Variants in FOXN3 observed in about 807,000 individuals in gnomAD.
FOXN3 encodes the protein forkhead box N3.
A neutral mutation model predicts 38.4 loss-of-function variants in FOXN3; 7 were observed. The observed-to-expected ratio is 0.18, with a 90% CI of 0.10 to 0.34. The LOEUF (loss-of-function observed/expected upper bound fraction) is 0.34. Among genes scored for constraint, FOXN3 ranks in the 10% least tolerant of loss-of-function variants. The probability of loss-of-function intolerance (pLI) is 1.00; values close to 1 mark genes in which losing one functional copy is unlikely to be tolerated. For synonymous variants in FOXN3, 230 were observed against 242.2 expected (o/e 0.95, Z 0.47); for missense variants, 456 against 613.4 (o/e 0.74, Z 2.71).
At chr14:89,533,679 A>G (rs2139839721) in intron 1 of FOXN3, among the ~76,000 whole-genome samples, 1 of 151,588 alleles carries the variant, frequency 6.6e-6, no homozygotes, top group East Asian at 1.9e-4. Flanking sequence ...AAAAAAAAAA[A>G]AAAAAAAAAA....
intron 1 of FOXN3, among the ~76,000 whole-genome samples, chr14:89,441,954 T>A (rs556361114): frequency 1.4e-5 from 2 of 143,646 alleles, no homozygotes; most frequent in East Asian, 4.0e-4. Flanking sequence ...TGAGATGGAG[T>A]TTCCTCTTGT....
intron 1 of FOXN3, among the ~76,000 whole-genome samples, chr14:89,521,358 T>TAGAGAGAGAGAGAGAGAGAGAGAG (rs199686142): frequency 1.4e-4 from 18 of 125,058 alleles, no homozygotes; most frequent in African/African-American, 4.8e-4. Flanking sequence ...AGATGATAGA[T>TAGAGAGAGAGAGAGAGAGAGAGAG]AGAGAGAGAG....
intron 1 of FOXN3, among the ~76,000 whole-genome samples, chr14:89,511,174 T>C (rs1596303031): frequency 2.5e-5 from 1 of 39,772 alleles, no homozygotes; most frequent in African/African-American, 6.8e-5. Flanking sequence ...TCTTTCTTTC[T>C]TTCTTTCTTT....
Position 89,365,135 on chromosome 14 carries a change from TACTC to T in FOXN3, c.544-14331_544-14328del, listed in dbSNP as rs533476092. On this transcript the variant is annotated intron_variant, in intron 2 of 5. Coordinates refer to ENST00000557258, the MANE Select transcript of FOXN3 (RefSeq NM_005197.4). ...CGCTTTGCAGGAATCTCTGTTCCGTTACTCACTATTTTGAGAGAGCCCTGCTTCT... is the reference window on the plus strand; with the variant it reads ...CGCTTTGCAGGAATCTCTGTTCCGTTACTATTTTGAGAGAGCCCTGCTTCT... Among the ~76,000 whole-genome samples, 40 of 152,308 alleles carry T rather than the reference TACTC, an allele frequency of 2.6e-4. No homozygotes were observed. In the East Asian group the frequency reaches 7.3e-3, roughly 28 times the overall value.
intron 5 of FOXN3, among the ~76,000 whole-genome samples, chr14:89,174,014 TAA>T (rs1312607265): frequency 6.6e-6 from 1 of 151,706 alleles, no homozygotes; most frequent in Non-Finnish European, 1.5e-5. Context: ...TAAATAAAAA[TAA>T]AAAGACAGTA....
At chr14:89,373,329 C>A (rs1890377620) in intron 2 of FOXN3, among the ~76,000 whole-genome samples, 2 of 121,286 alleles carry the variant, frequency 1.6e-5, no homozygotes, top group African/African-American at 6.2e-5. Flanking sequence ...TTTCCAAGAC[C>A]TGAGTTCTAT....
At chr14:89,587,181 T>A (rs1895857635) in intron 1 of FOXN3, among the ~76,000 whole-genome samples, 1 of 152,260 alleles carries the variant, frequency 6.6e-6, no homozygotes, top group Non-Finnish European at 1.5e-5. Flanking sequence ...GGAACCCCGG[T>A]CTTTTTCTCT....
chr14:89,324,435 AGTGTGTGCGTGTGT>A (rs1887982526), intron 3 of FOXN3, among the ~76,000 whole-genome samples: 1 of 123,478 alleles, frequency 8.1e-6, no homozygotes, highest in Admixed American at 8.7e-5. Flanking sequence ...GAAACAGCTA[AGTGTGTGCGTGTGT>A]GTGTGTGTGT....
intron 1 of FOXN3, among the ~76,000 whole-genome samples, chr14:89,476,564 A>G (rs1260900670): frequency 6.6e-6 from 1 of 152,228 alleles, no homozygotes; most frequent in Non-Finnish European, 1.5e-5. Context: ...GTTCATATGC[A>G]CACATCAGAG....
chr14:89,558,827 C>A (rs1022032013), intron 1 of FOXN3, among the ~76,000 whole-genome samples: 1 of 152,158 alleles, frequency 6.6e-6, no homozygotes, highest in South Asian at 2.1e-4. Flanking sequence ...AAGGTCGGGG[C>A]GACAGCAGGG....
At chr14:89,277,228 A>G (rs895918756) in intron 4 of FOXN3, among the ~76,000 whole-genome samples, 1 of 152,240 alleles carries the variant, frequency 6.6e-6, no homozygotes, top group Admixed American at 6.5e-5. Flanking sequence ...TCAAACACAT[A>G]GAGACCGTAA....
intron 3 of FOXN3, among the ~76,000 whole-genome samples, chr14:89,345,151 G>A (rs1227802155): frequency 6.6e-6 from 1 of 152,118 alleles, no homozygotes; most frequent in African/African-American, 2.4e-5. Flanking sequence ...TCCAAGAACT[G>A]TAGTATCCAA....
chr14:89,387,317 C>A (rs1320399113), intron 2 of FOXN3, among the ~76,000 whole-genome samples: 1 of 152,136 alleles, frequency 6.6e-6, no homozygotes, highest in Admixed American at 6.6e-5. Context: ...ACAATTCAAT[C>A]TATAGCACCA....
At chr14:89,472,635 GGT>G (rs1893125904) in intron 1 of FOXN3, among the ~76,000 whole-genome samples, 1 of 150,632 alleles carries the variant, frequency 6.6e-6, no homozygotes, top group African/African-American at 2.4e-5. Context: ...GCAGGAGAAT[GGT>G]GTGAACCCAG....
At chr14:89,375,617 CCAAG>C (rs1290774196) in intron 2 of FOXN3, among the ~76,000 whole-genome samples, 1 of 151,934 alleles carries the variant, frequency 6.6e-6, no homozygotes, top group East Asian at 1.9e-4. Flanking sequence ...GTATTAAGAA[CCAAG>C]CAAAGAGATA....
intron 4 of FOXN3, among the ~76,000 whole-genome samples, chr14:89,232,914 C>T (rs1327093294): frequency 6.6e-6 from 1 of 152,184 alleles, no homozygotes; most frequent in Admixed American, 6.5e-5. Context: ...CTGAGAGATA[C>T]TTGAAAGCCA....
At chr14:89,606,796 G>A (rs767072476) in intron 1 of FOXN3, among the ~76,000 whole-genome samples, 7 of 152,090 alleles carry the variant, frequency 4.6e-5, no homozygotes, top group African/African-American at 1.2e-4. Context: ...TGCAGTGAGC[G>A]GAGATTGCAC....
chr14:89,173,505 C>T (rs1289580434), intron 5 of FOXN3, among the ~76,000 whole-genome samples: 2 of 152,180 alleles, frequency 1.3e-5, no homozygotes, highest in African/African-American at 4.8e-5. Flanking sequence ...CACAGTAGCA[C>T]TGCTTGTAAT....
At chr14:89,258,671 G>T (rs1235440766) in intron 4 of FOXN3, among the ~76,000 whole-genome samples, 1 of 152,148 alleles carries the variant, frequency 6.6e-6, no homozygotes, top group South Asian at 2.1e-4. Flanking sequence ...AGTTACAGTG[G>T]TCCCAATTAA....
Sources: allele counts gnomAD v4.1 joint callset (sites outside exome capture counted in the v4.1 genomes callset), GRCh38; gene constraint gnomAD v4.1.1; transcripts MANE v1.5; gene names NCBI Gene and HGNC (gene_info 2026-07-23, HGNC 2026-07-21).